C10orf90: variants seen among roughly 807,000 people sequenced by gnomAD.
C10orf90 encodes chromosome 10 open reading frame 90, also known as (E2-independent) E3 ubiquitin-conjugating enzyme FATS.
C10orf90 carries 56 observed loss-of-function variants against 62.5 expected under a neutral mutation model. The observed-to-expected ratio is 0.90, with a 90% CI of 0.72 to 1.12. C10orf90 has a LOEUF of 1.12. Among genes scored for constraint, C10orf90 ranks in the 50% most tolerant of loss-of-function variants. The pLI is 0.00. For synonymous variants in C10orf90, 386 were observed against 340.4 expected (o/e 1.13, Z -1.47); for missense variants, 970 against 880.4 (o/e 1.10, Z -1.29).
intron 1 of C10orf90, among the ~76,000 whole-genome samples, chr10:126,649,071 T>TCCC (rs1163113188): frequency 4.4e-4 from 18 of 40,778 alleles, no homozygotes; most frequent in African/African-American, 1.5e-3. Flanking sequence ...TCTCTCTCTC[T>TCCC]CCCCCCCCCC....
intron 8 of C10orf90, 38 bp from the exon 9 acceptor site, chr10:126,426,128 G>A: frequency 2.6e-6 from 4 of 1,536,274 alleles, no homozygotes; most frequent in Non-Finnish European, 3.6e-6. Context: ...ATGGTAGCTT[G>A]ACAGCGTGCT....
At chr10:126,531,906 T>C (rs1864105852) in intron 2 of C10orf90, among the ~76,000 whole-genome samples, 1 of 152,234 alleles carries the variant, frequency 6.6e-6, no homozygotes, top group African/African-American at 2.4e-5. Context: ...ATCCAGGATG[T>C]ATAATGAACC....
At chr10:126,601,388 C>T (rs1845195246) in intron 2 of C10orf90, among the ~76,000 whole-genome samples, 1 of 152,176 alleles carries the variant, frequency 6.6e-6, no homozygotes, top group South Asian at 2.1e-4. Flanking sequence ...TGTTAATTTA[C>T]TTAACTATAG....
At chr10:126,488,749 G>A (rs1258433015) in intron 4 of C10orf90, among the ~76,000 whole-genome samples, 1 of 151,994 alleles carries the variant, frequency 6.6e-6, no homozygotes, top group Non-Finnish European at 1.5e-5. Context: ...TGATAAAATG[G>A]CAAATCCCTT....
intron 2 of C10orf90, among the ~76,000 whole-genome samples, chr10:126,591,313 C>G (rs1844974868): frequency 6.6e-6 from 1 of 152,154 alleles, no homozygotes; most frequent in Non-Finnish European, 1.5e-5. Context: ...TACTGGCAAA[C>G]CAAATCCAGC....
chr10:126,486,578 AAT>A (rs1201282893), intron 4 of C10orf90, among the ~76,000 whole-genome samples: 1 of 152,210 alleles, frequency 6.6e-6, no homozygotes, highest in Non-Finnish European at 1.5e-5. Flanking sequence ...GATATAAACT[AAT>A]ATGTTTAAAG....
intron 2 of C10orf90, among the ~76,000 whole-genome samples, chr10:126,557,252 C>A (rs1046591220): frequency 4.0e-5 from 6 of 151,864 alleles, no homozygotes; most frequent in Non-Finnish European, 7.4e-5. Flanking sequence ...GAGGCTGAGG[C>A]GGGCAGATCA....
At chr10:126,596,415 A>G (rs1845088357) in intron 2 of C10orf90, among the ~76,000 whole-genome samples, 1 of 152,152 alleles carries the variant, frequency 6.6e-6, no homozygotes, top group Non-Finnish European at 1.5e-5. Flanking sequence ...GAAAAGCCAC[A>G]GACCAGAAGC....
chr10:126,563,407 A>G (rs7911240), intron 2 of C10orf90, among the ~76,000 whole-genome samples: 140,842 of 152,266 alleles, frequency 0.92, 65,340 homozygotes, highest in African/African-American at 0.96. Flanking sequence ...AACCAGAGCC[A>G]TAAATGGCCA....
rs753501756 is a variant in C10orf90 at position 126,464,783 on chromosome 10, A to G, written c.1738T>C (p.Phe580Leu). The G allele has an allele frequency of 1.2e-6, 2 of 1,614,076 alleles. No homozygotes were observed. Among genetic ancestry groups the G allele is most frequent in the Non-Finnish European group, 1.7e-6 (2 of 1,179,970 alleles). Residue 580 changes from phenylalanine to leucine, a missense_variant, in exon 5 of 10, where the codon TTT (phenylalanine) becomes CTT (leucine). By Grantham distance (22) the Phe-to-Leu change is conservative. Transcript: ENST00000488181. ...TGTAAGGGGCAAAGAAACCCAGGAAAAAGGATTCTGGGTTTCAGGAAGCTT... is the reference window on the plus strand; with the variant it reads ...TGTAAGGGGCAAAGAAACCCAGGAAGAAGGATTCTGGGTTTCAGGAAGCTT... ...HQSFLKPRILFPGFLCPLQDV... is the reference protein window; with the variant it reads ...HQSFLKPRILLPGFLCPLQDV...
At position 126,481,441 on chromosome 10, in the gene C10orf90, C is replaced by T. The variant is rs536148508; in HGVS notation, c.1535-16455G>A. ...TTATATCATCATTTAACTAATGGCT[C>T]ATGTCAAGTGACTCACATCATTTAA... On this transcript the variant is annotated intron_variant, in intron 4 of 9. Transcript: ENST00000488181. Among the ~76,000 whole-genome samples the T allele has an allele frequency of 2.0e-5, 3 of 152,358 alleles. No individual in the cohort carries two copies. In the South Asian group the frequency reaches 6.2e-4, roughly 32 times the overall value.
At chr10:126,612,602 T>A (rs1845461073) in intron 2 of C10orf90, among the ~76,000 whole-genome samples, 1 of 152,190 alleles carries the variant, frequency 6.6e-6, no homozygotes, top group African/African-American at 2.4e-5. Flanking sequence ...TAAAAGGGTG[T>A]CTTTTTTATG....
rs188441377 is a variant in C10orf90 at position 126,482,604 on chromosome 10, G to A, written c.1535-17618C>T. ...GAGAGCTCAATTGCACTGTCACTGA[G>A]ATCATTTACTCCCTAACTAGCTAGT... is the stretch of plus-strand genomic sequence containing the variant. On this transcript the variant is annotated intron_variant, in intron 4 of 9. Coordinates refer to ENST00000488181, the MANE Select transcript of C10orf90 (RefSeq NM_001350921.2). Among the ~76,000 whole-genome samples the A allele has an allele frequency of 8.5e-5, 13 of 152,300 alleles. No individual in the cohort carries two copies. In the East Asian group the frequency reaches 2.5e-3, roughly 29 times the overall value.
chr10:126,617,107 G>A (rs2133810404), intron 2 of C10orf90, among the ~76,000 whole-genome samples: 1 of 152,276 alleles, frequency 6.6e-6, no homozygotes, highest in Middle Eastern at 3.4e-3. Context: ...GAGAAGCAGA[G>A]CAAAAACACA....
intron 2 of C10orf90, among the ~76,000 whole-genome samples, chr10:126,581,185 C>T (rs1472791797): frequency 6.6e-6 from 1 of 152,200 alleles, no homozygotes; most frequent in Non-Finnish European, 1.5e-5. Context: ...TCTCATGTAG[C>T]CTCTGGGCAA....
intron 2 of C10orf90, among the ~76,000 whole-genome samples, chr10:126,576,724 A>ATTCCATTTTCTTTATC (rs1844628768): frequency 2.7e-4 from 10 of 36,512 alleles, no homozygotes; most frequent in African/African-American, 4.1e-4. Context: ...TACAAGATAT[A>ATTCCATTTTCTTTATC]CATATATATG....
intron 2 of C10orf90, among the ~76,000 whole-genome samples, chr10:126,631,199 C>A (rs546598846): frequency 1.3e-5 from 2 of 152,304 alleles, no homozygotes; most frequent in East Asian, 3.9e-4. Flanking sequence ...CTGTTAGCAG[C>A]TTCTCCTGCA....
chr10:126,559,959 T>C (rs1864864125), intron 2 of C10orf90, among the ~76,000 whole-genome samples: 1 of 152,158 alleles, frequency 6.6e-6, no homozygotes, highest in Non-Finnish European at 1.5e-5. Context: ...AATGTGAAAT[T>C]AGACACCGCG....
chr10:126,526,062 A>ACACACACACACACACACACAC (rs1591069594), intron 2 of C10orf90, among the ~76,000 whole-genome samples: 1 of 149,456 alleles, frequency 6.7e-6, no homozygotes, highest in African/African-American at 2.5e-5. Flanking sequence ...ACACACACAC[A>ACACACACACACACACACACAC]AAAGAAGCAG....
Sources: gnomAD v4.1 joint callset for allele counts (sites outside exome capture counted in the v4.1 genomes callset) on GRCh38, gnomAD v4.1.1 for gene constraint, MANE v1.5 for transcripts, NCBI Gene and HGNC (gene_info 2026-07-23, HGNC 2026-07-21) for gene names.